Variants in GDI2 observed in about 807,000 individuals in gnomAD.
The protein encoded by GDI2 is rab GDP dissociation inhibitor beta.
GDI2 carries 22 observed loss-of-function variants against 54.2 expected under a neutral mutation model. The observed-to-expected ratio is 0.41, with a 90% CI of 0.29 to 0.58. The LOEUF (loss-of-function observed/expected upper bound fraction) is 0.58. GDI2 is among the 20% of genes least tolerant of loss of function. GDI2 has a pLI of 0.35. For synonymous variants in GDI2, 177 were observed against 182.1 expected (o/e 0.97, Z 0.23); for missense variants, 422 against 546.0 (o/e 0.77, Z 2.26).
At chr10:5,806,817 A>G (rs1023934162) in intron 1 of GDI2, among the ~76,000 whole-genome samples, 4 of 152,256 alleles carry the variant, frequency 2.6e-5, no homozygotes, top group African/African-American at 9.6e-5. Flanking sequence ...AGACAGTTAC[A>G]TTCCCAGCTG....
Position 5,766,764 on chromosome 10 carries a change from C to CT in GDI2, c.992-127dup, listed in dbSNP as rs1471376054. ...CTCTCAATAGGCAAGATCTTCTACA[C>CT]TTAAGTTCTAAATGGTGACAGAGTT... On this transcript the variant is annotated intron_variant, in intron 8 of 10. Coordinates refer to ENST00000380191, the MANE Select transcript of GDI2 (RefSeq NM_001494.4). The surrounding 1 kb of genome is among the most constrained non-coding windows in gnomAD (Gnocchi z 5.8). The CT allele has an allele frequency of 1.5e-6, 1 of 672,738 alleles. No homozygotes were observed. The highest frequency in any genetic ancestry group is 2.6e-5 in the East Asian group (1 of 38,852). 41.7% of individuals were successfully genotyped at this position (672,738 alleles called of 1,614,324 possible).
intron 7 of GDI2, among the ~76,000 whole-genome samples, 197 bp downstream of exon 7, chr10:5,773,645 A>G (rs925357839): frequency 6.6e-6 from 1 of 152,116 alleles, no homozygotes; most frequent in East Asian, 1.9e-4. Context: ...TTCAATATTA[A>G]AATAATCAAC....
chr10:5,784,374 C>A (rs928504124), intron 6 of GDI2, among the ~76,000 whole-genome samples: 1 of 152,164 alleles, frequency 6.6e-6, no homozygotes, highest in African/African-American at 2.4e-5. Flanking sequence ...ACCTTTCTCT[C>A]GTGCCTCCTT....
At chr10:5,781,481 C>T (rs1000654541) in intron 6 of GDI2, among the ~76,000 whole-genome samples, 13 of 151,708 alleles carry the variant, frequency 8.6e-5, no homozygotes, top group Admixed American at 5.9e-4. Context: ...AAAAATTAGC[C>T]GGGCGCGGTG....
At chr10:5,777,649 G>C (rs1017266919) in intron 6 of GDI2, among the ~76,000 whole-genome samples, 1 of 152,234 alleles carries the variant, frequency 6.6e-6, no homozygotes. Context: ...ATGCTGGAGA[G>C]GATGTGGAGA....
chr10:5,797,720 A>G lies in GDI2; in HGVS notation c.154-858T>C, dbSNP rs1841180664. On this transcript the variant is annotated intron_variant, in intron 2 of 10. Coordinates refer to ENST00000380191, the MANE Select transcript of GDI2 (RefSeq NM_001494.4). The stretch of plus-strand genomic sequence containing the variant: ...GCACCACTGTACTCCAGCCTGAGTG[A>G]CAAAGCAAGACTCCATCTCAAGAAA... Among the ~76,000 whole-genome samples, 5 of 152,092 alleles carry G rather than the reference A, an allele frequency of 3.3e-5. No individual in the cohort carries two copies. The South Asian group carries it at 8.3e-4, about 25-fold the overall frequency.
rs1466676716 is a variant in GDI2 at position 5,813,301 on chromosome 10, G to GCAGGGGC, written c.-50_-44dup. ...CGCAGGACCCGAGCAAGGAAAAGGC[G>GCAGGGGC]CAGGGGCTCCGTGACCACCCTACGA... On this transcript the variant is annotated 5_prime_UTR_variant, in exon 1 of 11. Transcript: ENST00000380191. The GCAGGGGC allele has an allele frequency of 1.4e-6, 2 of 1,472,072 alleles. No individual in the cohort carries two copies. Among genetic ancestry groups the GCAGGGGC allele is most frequent in the Middle Eastern group, 1.7e-4 (1 of 5,850 alleles). 91.2% of individuals were successfully genotyped at this position (1,472,072 alleles called of 1,614,324 possible).
intron 1 of GDI2, among the ~76,000 whole-genome samples, chr10:5,806,202 T>A (rs1358869188): frequency 1.3e-5 from 2 of 152,206 alleles, no homozygotes; most frequent in African/African-American, 4.8e-5. Flanking sequence ...CCTTTTTAAT[T>A]TTAGCCATTC....
At chr10:5,794,856 TA>T in intron 4 of GDI2, 28 bp downstream of exon 4, 1 of 1,463,140 alleles carries the variant, frequency 6.8e-7, no homozygotes, top group Non-Finnish European at 9.5e-7. Context: ...AAAATAAAAC[TA>T]GTTACTAGAG....
At chr10:5,786,202 G>C (rs1293998976) in intron 4 of GDI2, 152 bp from the exon 5 acceptor site, 2 of 551,848 alleles carry the variant, frequency 3.6e-6, no homozygotes, top group Non-Finnish European at 6.1e-6. Context: ...ACAGAGTCTT[G>C]CTCTGTCGCC....
At chr10:5,777,974 T>C (rs1447950033) in intron 6 of GDI2, among the ~76,000 whole-genome samples, 2 of 152,228 alleles carry the variant, frequency 1.3e-5, no homozygotes, top group South Asian at 2.1e-4. Context: ...GATGAGTTCA[T>C]GTCCTTTGCA....
Position 5,777,236 on chromosome 10 carries a change from G to T in GDI2, c.720-3295C>A, listed in dbSNP as rs193287842. Among the ~76,000 whole-genome samples, 64 of 152,282 alleles carry T rather than the reference G, an allele frequency of 4.2e-4. 1 individual carries two copies. The East Asian group carries it at 0.012, about 28-fold the overall frequency. Reference sequence around the variant, plus strand: ...GCCTGTAATCCCAGCACTTTGAAAGGCCGAGGCGGGTGGATCACCTGAGGT... The same window carrying T: ...GCCTGTAATCCCAGCACTTTGAAAGTCCGAGGCGGGTGGATCACCTGAGGT... On this transcript the variant is annotated intron_variant, in intron 6 of 10. Transcript: ENST00000380191.
intron 1 of GDI2, 89 bp from the exon 2 acceptor site, chr10:5,800,794 C>A: frequency 1.3e-6 from 1 of 748,626 alleles, no homozygotes; most frequent in Non-Finnish European, 2.4e-6. Flanking sequence ...TACACATTCT[C>A]TTAGTAATTA....
chr10:5,794,788 T>C, intron 4 of GDI2, 97 bp downstream of exon 4: 1 of 805,988 alleles, frequency 1.2e-6, no homozygotes, highest in Non-Finnish European at 2.1e-6. Flanking sequence ...TCAATAAATA[T>C]TTGTTGACTG....
intron 7 of GDI2, among the ~76,000 whole-genome samples, chr10:5,771,450 CATT>C (rs1840486735): frequency 6.6e-6 from 1 of 152,184 alleles, no homozygotes; most frequent in Admixed American, 6.5e-5. Context: ...TTCCAGCTAT[CATT>C]ACTGTTAGCA....
chr10:5,807,063 A>G (rs1230020015), intron 1 of GDI2, among the ~76,000 whole-genome samples: 1 of 152,204 alleles, frequency 6.6e-6, no homozygotes, highest in African/African-American at 2.4e-5. Context: ...AGAGCTAACT[A>G]AAGCTAATAA....
At position 5,766,261 on chromosome 10, in the gene GDI2, CT is replaced by C. The variant is rs1376378587; in HGVS notation, c.1170del (p.Asp391ThrfsTer34). 1 of 1,613,862 alleles carries C rather than the reference CT, an allele frequency of 6.2e-7. No homozygotes were observed. The highest frequency in any genetic ancestry group is 8.5e-7 in the Non-Finnish European group (1 of 1,179,712). On this transcript the variant is annotated frameshift_variant, in exon 10 of 11. Transcript: ENST00000380191. LOFTEE classifies it high-confidence loss of function. The surrounding 1 kb of genome is among the most constrained non-coding windows in gnomAD (Gnocchi z 5.8). ...FVSISDLLVP[K>X]DLGTESQIFI... ...CTCACCTGGCTTTCTGTTCCCAAGT[CT>C]TTTGGTACCAGGAGGTCACTGATGC...
chr10:5,780,725 G>C (rs966507375), intron 6 of GDI2, among the ~76,000 whole-genome samples: 2 of 152,116 alleles, frequency 1.3e-5, no homozygotes, highest in East Asian at 3.8e-4. Flanking sequence ...AAATGTGATA[G>C]ATCTCTACAG....
intron 1 of GDI2, among the ~76,000 whole-genome samples, chr10:5,805,628 C>T (rs984677052): frequency 2.6e-5 from 4 of 152,178 alleles, no homozygotes; most frequent in Non-Finnish European, 5.9e-5. Context: ...TCAAGCAATC[C>T]TCCTGCCTTG....
Sources: allele counts gnomAD v4.1 joint callset (sites outside exome capture counted in the v4.1 genomes callset), GRCh38; gene constraint gnomAD v4.1.1; non-coding constraint Gnocchi (gnomAD v3.1); transcripts MANE v1.5; gene names NCBI Gene and HGNC (gene_info 2026-07-23, HGNC 2026-07-21).